RAB40B: variants seen among roughly 807,000 people sequenced by gnomAD.
The protein encoded by RAB40B is RAB40B, member RAS oncogene family, also known as ras-related protein Rab-40B.
Under a neutral mutation model 24.0 loss-of-function variants are expected in RAB40B, and 21 were observed. The ratio of observed to expected loss-of-function variants is 0.88; its 90% confidence interval spans 0.62 to 1.26. RAB40B has a LOEUF of 1.26. Ranked by LOEUF, RAB40B falls within the 50% of genes most tolerant of loss-of-function variation. The pLI is 0.00. For missense variants in RAB40B, 348 were observed against 390.5 expected (o/e 0.89, Z 0.92); for synonymous variants, 167 against 169.8 (o/e 0.98, Z 0.13).
chr17:82,695,210 C>T (rs567701598), intron 1 of RAB40B, among the ~76,000 whole-genome samples: 4,436 of 142,374 alleles, frequency 0.031, 317 homozygotes, highest in African/African-American at 0.11. Context: ...TTTTTTTTTT[C>T]GAGACAAAAT....
At chr17:82,671,536 ACT>A (rs1568036630) in intron 1 of RAB40B, among the ~76,000 whole-genome samples, 3 of 138,358 alleles carry the variant, frequency 2.2e-5, no homozygotes, top group African/African-American at 8.8e-5. Context: ...TAACACACAC[ACT>A]CACACGCTCC....
At chr17:82,690,909 G>C (rs1251178249) in intron 1 of RAB40B, among the ~76,000 whole-genome samples, 1 of 152,200 alleles carries the variant, frequency 6.6e-6, no homozygotes, top group Admixed American at 6.5e-5. Flanking sequence ...GAGTGGGCAC[G>C]CATGTCCCAG....
At chr17:82,662,679 C>G in intron 2 of RAB40B, 2 of 985,288 alleles carry the variant, frequency 2.0e-6, no homozygotes, top group Non-Finnish European at 2.4e-6. Context: ...AGGAGAGCAG[C>G]CTCAGGGTCC....
In RAB40B at chr17:82,674,295, C is replaced by T. The variant is rs1325662458; in HGVS notation, c.143-9739G>A. On this transcript the variant is annotated intron_variant, in intron 1 of 5. Transcript: ENST00000571995. ...CGGAGGTTGCAGTGAGCCAAGATCG[C>T]GCCATTGCACTCCAGCCTGGGCAAA... Among the ~76,000 whole-genome samples, 22 of 149,892 alleles carry T rather than the reference C, an allele frequency of 1.5e-4. 1 individual carries two copies. The highest frequency in any genetic ancestry group is 2.8e-4 in the Non-Finnish European group (19 of 67,768).
intron 4 of RAB40B, 183 bp downstream of exon 4, chr17:82,659,397 C>A: frequency 1.7e-6 from 1 of 592,682 alleles, no homozygotes; most frequent in Non-Finnish European, 3.0e-6. Flanking sequence ...TTGTAGCTAT[C>A]ACCAAAGCCC....
In RAB40B at chr17:82,663,754, G is replaced by T. The variant is rs2046206552; in HGVS notation, c.203+742C>A. Among the ~76,000 whole-genome samples the T allele has an allele frequency of 6.6e-6, 1 of 152,152 alleles. No homozygotes were observed. The highest frequency in any genetic ancestry group is 1.5e-5 in the Non-Finnish European group (1 of 68,012). ...ACTGAGCCAGGCGTGGGGGACCCAGGAGCCCCGGGCTGCCTCAACCACGCT... is the reference window on the plus strand; with the variant it reads ...ACTGAGCCAGGCGTGGGGGACCCAGTAGCCCCGGGCTGCCTCAACCACGCT... On this transcript the variant is annotated intron_variant, in intron 2 of 5. Coordinates refer to ENST00000571995, the MANE Select transcript of RAB40B (RefSeq NM_006822.3). The surrounding 1 kb of genome is among the most constrained non-coding windows in gnomAD (Gnocchi z 6.2).
chr17:82,671,135 C>T (rs111816226), intron 1 of RAB40B, among the ~76,000 whole-genome samples: 2 of 151,374 alleles, frequency 1.3e-5, no homozygotes, highest in South Asian at 2.1e-4. Flanking sequence ...ACACACCCCA[C>T]CCCTGTAACT....
chr17:82,660,274 C>G (rs949223049), intron 3 of RAB40B, among the ~76,000 whole-genome samples: 1 of 150,432 alleles, frequency 6.6e-6, no homozygotes, highest in Non-Finnish European at 1.5e-5. Flanking sequence ...AACAGGCAAG[C>G]ACACACGTAC....
chr17:82,677,768 G>A (rs1190850298), intron 1 of RAB40B, among the ~76,000 whole-genome samples: 1 of 152,214 alleles, frequency 6.6e-6, no homozygotes, highest in East Asian at 1.9e-4. Context: ...GGAACCCCCG[G>A]ATGTGGGGCC....
intron 1 of RAB40B, among the ~76,000 whole-genome samples, chr17:82,678,203 G>A (rs559809299): frequency 2.6e-5 from 4 of 151,938 alleles, no homozygotes; most frequent in East Asian, 1.9e-4. Flanking sequence ...GTTACCTTAC[G>A]TTTTGGTCCA....
intron 1 of RAB40B, among the ~76,000 whole-genome samples, chr17:82,681,832 A>T (rs2245043): frequency 6.6e-6 from 1 of 152,090 alleles, no homozygotes; most frequent in African/African-American, 2.4e-5. Flanking sequence ...ACCTTTTCAC[A>T]ACAAAAGCTC....
Position 82,658,707 on chromosome 17 carries a change from G to A in RAB40B, c.349C>T (p.Pro117Ser). 6.2e-7 allele frequency: 1 copy of A among 1,608,944 alleles called. No homozygotes were observed. Among genetic ancestry groups the A allele is most frequent in the South Asian group, 1.1e-5 (1 of 90,952 alleles). ...RWIKEIDEHA[P>S]GVPKILVGNR... ...CCCACCAGGATCTTGGGGACTCCGG[G>A]GGCATGCTAGCGGGCAGGAGAAAGG... Residue 117 changes from proline to serine, a missense_variant, in exon 5 of 6, where the codon CCC becomes TCC. Transcript: ENST00000571995.
chr17:82,674,923 A>G (rs1484496891), intron 1 of RAB40B, among the ~76,000 whole-genome samples: 1 of 152,148 alleles, frequency 6.6e-6, no homozygotes, highest in East Asian at 1.9e-4. Context: ...TTCAGGCACC[A>G]GAATCCAGCC....
intron 1 of RAB40B, among the ~76,000 whole-genome samples, chr17:82,666,074 G>A (rs1660796852): frequency 6.6e-6 from 1 of 151,272 alleles, no homozygotes; most frequent in Non-Finnish European, 1.5e-5. Context: ...CACCGCACCT[G>A]CCACCACACC....
At position 82,658,097 on chromosome 17, in the gene RAB40B, C is replaced by G; in HGVS notation, c.603G>C (p.Val201=). ...SLQDLCCRAV[V]SCTPVHLVDK... Reference sequence around the variant, plus strand: ...CCACCAGGTGCACCGGCGTGCAGGACACGACCGCCCGGCAGCAGAGGTCTT... The same window carrying G: ...CCACCAGGTGCACCGGCGTGCAGGAGACGACCGCCCGGCAGCAGAGGTCTT... Residue 201 remains valine, a synonymous_variant, in exon 6 of 6, where the codon GTG becomes GTC. Coordinates refer to ENST00000571995, the MANE Select transcript of RAB40B (RefSeq NM_006822.3). The G allele has an allele frequency of 6.2e-7, 1 of 1,614,168 alleles. No homozygotes were observed. The highest frequency in any genetic ancestry group is 8.5e-7 in the Non-Finnish European group (1 of 1,180,028).
chr17:82,656,181 T>G lies in RAB40B; in HGVS notation c.*1682A>C, dbSNP rs2046085132. 1 of 152,064 alleles carries G rather than the reference T, an allele frequency of 6.6e-6. No individual in the cohort carries two copies. The highest frequency in any genetic ancestry group is 1.5e-5 in the Non-Finnish European group (1 of 68,022). 9.4% of individuals were successfully genotyped at this position (152,064 alleles called of 1,614,324 possible). ...CCAGACTGGTCTTGAACTCCTGACCTCTGATCCGGCTGCCTCGGCCTCCTG... is the reference window on the plus strand; with the variant it reads ...CCAGACTGGTCTTGAACTCCTGACCGCTGATCCGGCTGCCTCGGCCTCCTG... On this transcript the variant is annotated 3_prime_UTR_variant, in exon 6 of 6. Coordinates refer to ENST00000571995, the MANE Select transcript of RAB40B (RefSeq NM_006822.3).
chr17:82,694,082 C>CA (rs34066713), intron 1 of RAB40B, among the ~76,000 whole-genome samples: 54 of 118,918 alleles, frequency 4.5e-4, no homozygotes, highest in African/African-American at 1.6e-3. Context: ...GACTCCATCT[C>CA]AAAAAAAAAA....
rs768438000 is a variant in RAB40B, at chr17:82,659,637, G to A, written c.285C>T (p.Asp95=). 3.1e-6 allele frequency: 5 copies of A among 1,614,168 alleles called. No individual in the cohort carries two copies. The highest frequency in any genetic ancestry group is 1.6e-4 in the Middle Eastern group (1 of 6,062). The part of the protein sequence containing the change: ...RGAQGVILVY[D]IANRWSFDGI... ...CGTCAAAAGACCAGCGGTTCGCAAT[G>A]TCATAGACCAGGATCACACCCTGGG... is the stretch of plus-strand genomic sequence containing the variant. The change falls in exon 4 of 6, where the codon GAC becomes GAT. Residue 95 remains aspartate, a synonymous_variant. Coordinates refer to ENST00000571995, the MANE Select transcript of RAB40B (RefSeq NM_006822.3).
intron 1 of RAB40B, among the ~76,000 whole-genome samples, chr17:82,694,376 A>C (rs1227525298): frequency 6.6e-6 from 1 of 151,384 alleles, no homozygotes. Flanking sequence ...AAAAATACAA[A>C]AACAAATTGG....
Sources: allele counts gnomAD v4.1 joint callset (sites outside exome capture counted in the v4.1 genomes callset), GRCh38; gene constraint gnomAD v4.1.1; non-coding constraint Gnocchi (gnomAD v3.1); transcripts MANE v1.5; gene names NCBI Gene and HGNC (gene_info 2026-07-23, HGNC 2026-07-21).